The following IL1RAPL1 variants were observed in gnomAD, a reference collection of about 807,000 sequenced individuals.
IL1RAPL1 encodes the protein interleukin-1 receptor accessory protein-like 1.
A neutral mutation model predicts 48.4 loss-of-function variants in IL1RAPL1; 3 were observed. That is an observed-to-expected ratio of 0.06 (90% confidence interval 0.03 to 0.16). The LOEUF (loss-of-function observed/expected upper bound fraction) is 0.16, where lower values mean the gene tolerates loss of function less well. IL1RAPL1 is among the 10% of genes least tolerant of loss of function. The pLI is 1.00. For missense variants in IL1RAPL1, 349 were observed against 530.6 expected (o/e 0.66, Z 3.36); for synonymous variants, 185 against 187.7 (o/e 0.99, Z 0.12).
intron 6 of IL1RAPL1, among the ~76,000 whole-genome samples, chrX:29,770,887 A>T (rs952024966): frequency 8.9e-6 from 1 of 112,201 alleles, no homozygotes; most frequent in African/African-American, 3.2e-5. Context: ...TTTGTATCTT[A>T]TTTTGTGGGA....
chrX:29,750,947 C>A (rs1414778442), intron 6 of IL1RAPL1, among the ~76,000 whole-genome samples: 1 of 111,351 alleles, frequency 9.0e-6, no homozygotes, highest in Non-Finnish European at 1.9e-5. Flanking sequence ...AGAATTGGTT[C>A]TCAAACAATA....
chrX:29,288,026 T>G (rs1011138596), intron 3 of IL1RAPL1, among the ~76,000 whole-genome samples: 1 of 112,467 alleles, frequency 8.9e-6, no homozygotes, highest in Admixed American at 9.4e-5. Flanking sequence ...TTTTTAAGAT[T>G]TAAAAAATTG....
In IL1RAPL1 at chrX:28,954,161, C is replaced by A. The variant is rs545834584; in HGVS notation, c.82+164736C>A. On this transcript the variant is annotated intron_variant, in intron 2 of 10. Transcript: ENST00000378993. ...AGTGTAAAAGTTCAATTTCAGTGTT[C>A]TTTCTTTAAAAACCCTTCAAAATGA... Among the ~76,000 whole-genome samples, 4 of 111,096 alleles carry A rather than the reference C, an allele frequency of 3.6e-5. No homozygotes were observed. The Middle Eastern group carries it at 0.019, about 517-fold the overall frequency.
chrX:28,823,305 G>T (rs1264488183), intron 2 of IL1RAPL1, among the ~76,000 whole-genome samples: 1 of 111,171 alleles, frequency 9.0e-6, no homozygotes, highest in Non-Finnish European at 1.9e-5. Context: ...GATTGCTAAT[G>T]GCCTGTTAAA....
At chrX:29,306,679 G>C (rs1932628849) in intron 3 of IL1RAPL1, among the ~76,000 whole-genome samples, 1 of 106,029 alleles carries the variant, frequency 9.4e-6, no homozygotes. Flanking sequence ...TGGCCAATAT[G>C]GTAAAACCCC....
At chrX:29,100,695 G>T (rs1928317179) in intron 2 of IL1RAPL1, among the ~76,000 whole-genome samples, 1 of 111,531 alleles carries the variant, frequency 9.0e-6, no homozygotes, top group South Asian at 3.8e-4. Context: ...TATTAGATGG[G>T]TGACCTTAGA....
intron 3 of IL1RAPL1, among the ~76,000 whole-genome samples, chrX:29,393,405 G>A (rs1933882036): frequency 8.9e-6 from 1 of 112,018 alleles, no homozygotes; most frequent in Non-Finnish European, 1.9e-5. Context: ...ACAGGCTTGA[G>A]CCACCGCGCC....
At chrX:29,574,350 A>G (rs759366110) in intron 5 of IL1RAPL1, 2 of 108,483 alleles carry the variant, frequency 1.8e-5, no homozygotes, top group East Asian at 6.0e-4. Context: ...TTGACATGCA[A>G]TTTAGACAGT....
intron 1 of IL1RAPL1, among the ~76,000 whole-genome samples, chrX:28,762,722 G>A (rs1422871435): frequency 9.3e-6 from 1 of 107,409 alleles, no homozygotes; most frequent in African/African-American, 3.4e-5. Flanking sequence ...GTCTCTAGTT[G>A]AAGGTTCCTG....
chrX:29,543,570 A>C (rs1921511985), intron 5 of IL1RAPL1, among the ~76,000 whole-genome samples: 1 of 91,127 alleles, frequency 1.1e-5, no homozygotes, highest in African/African-American at 4.4e-5. Flanking sequence ...GGTGGCATTT[A>C]ATATCTTTTT....
chrX:28,719,757 A>G (rs984960744), intron 1 of IL1RAPL1, among the ~76,000 whole-genome samples: 1 of 111,157 alleles, frequency 9.0e-6, no homozygotes, highest in Non-Finnish European at 1.9e-5. Context: ...TGAACAGTAG[A>G]AAGGTGTTAC....
chrX:29,813,619 A>AG (rs1296108201), intron 6 of IL1RAPL1, among the ~76,000 whole-genome samples: 3 of 111,058 alleles, frequency 2.7e-5, no homozygotes, highest in African/African-American at 9.8e-5. Context: ...ATTTGGGGGT[A>AG]CATGTGCAGA....
chrX:29,126,418 G>A (rs1422443989), intron 2 of IL1RAPL1, among the ~76,000 whole-genome samples: 1 of 111,971 alleles, frequency 8.9e-6, no homozygotes, highest in Admixed American at 9.5e-5. Context: ...TGGGAGTTAC[G>A]CTCTCACATA....
chrX:29,269,264 T>C (rs773573599), intron 2 of IL1RAPL1, among the ~76,000 whole-genome samples: 2 of 111,916 alleles, frequency 1.8e-5, no homozygotes, highest in East Asian at 5.6e-4. Context: ...ATCTCACTGG[T>C]AAACCAGTGA....
intron 2 of IL1RAPL1, among the ~76,000 whole-genome samples, chrX:29,274,474 A>G (rs1450587930): frequency 2.7e-5 from 3 of 112,297 alleles, no homozygotes; most frequent in African/African-American, 6.5e-5. Context: ...TTCCTCTACA[A>G]TCTCTGTAAG....
At chrX:29,729,951 T>A (rs1474435894) in intron 6 of IL1RAPL1, among the ~76,000 whole-genome samples, 1 of 112,160 alleles carries the variant, frequency 8.9e-6, no homozygotes, top group Non-Finnish European at 1.9e-5. Flanking sequence ...TTGCTTTTGT[T>A]ACTTAAGCTG....
At chrX:29,791,943 G>T (rs1231340919) in intron 6 of IL1RAPL1, among the ~76,000 whole-genome samples, 1 of 107,588 alleles carries the variant, frequency 9.3e-6, no homozygotes. Context: ...TGTTGGCCAG[G>T]CTTGTCTTGA....
chrX:29,488,209 G>A (rs1241105255), intron 5 of IL1RAPL1, among the ~76,000 whole-genome samples: 1 of 112,224 alleles, frequency 8.9e-6, no homozygotes, highest in Non-Finnish European at 1.9e-5. Context: ...GGAGGCTGAG[G>A]CGGGCGGATC....
chrX:29,929,233 C>A (rs1932918209), intron 8 of IL1RAPL1, among the ~76,000 whole-genome samples: 1 of 111,172 alleles, frequency 9.0e-6, no homozygotes, highest in African/African-American at 3.3e-5. Flanking sequence ...TGAGAATTGA[C>A]TAAAAAGTGA....
Sources: gnomAD v4.1 joint callset for allele counts (sites outside exome capture counted in the v4.1 genomes callset) on GRCh38, gnomAD v4.1.1 for gene constraint, MANE v1.5 for transcripts, NCBI Gene and HGNC (gene_info 2026-07-23, HGNC 2026-07-21) for gene names.